KCNH5: variants seen among roughly 807,000 people sequenced by gnomAD.
The protein encoded by KCNH5 is potassium voltage-gated channel subfamily H member 5.
A neutral mutation model predicts 96.1 loss-of-function variants in KCNH5; 46 were observed. That is an observed-to-expected ratio of 0.48 (90% CI 0.38 to 0.61). KCNH5 has a LOEUF of 0.61. KCNH5 is among the 20% of genes least tolerant of loss of function. KCNH5 has a pLI of 0.00. For missense variants in KCNH5, 907 were observed against 1,225.8 expected, an observed-to-expected ratio of 0.74 and a Z score of 3.88; for synonymous variants, 439 against 449.8, an observed-to-expected ratio of 0.98 and a Z score of 0.30.
At chr14:62,741,898 T>C (rs1181836079) in intron 10 of KCNH5, among the ~76,000 whole-genome samples, 1 of 152,156 alleles carries the variant, frequency 6.6e-6, no homozygotes, top group East Asian at 1.9e-4. Flanking sequence ...GTTTTCTGTA[T>C]CTAAAGACAA....
intron 2 of KCNH5, among the ~76,000 whole-genome samples, chr14:63,007,913 C>T (rs917138663): frequency 6.6e-6 from 1 of 152,100 alleles, no homozygotes; most frequent in South Asian, 2.1e-4. Flanking sequence ...TCTAAGAGAA[C>T]CTTGGCAAAA....
rs560786945 is a variant in KCNH5, at chr14:62,747,691, C to T, written c.2019+32037G>A. 3.9e-5 allele frequency among the ~76,000 whole-genome samples: 6 copies of T among 152,274 alleles called. No homozygotes were observed. The East Asian group carries it at 5.8e-4, about 15-fold the overall frequency. On this transcript the variant is annotated intron_variant, in intron 10 of 10. Transcript: ENST00000322893. ...TGTTCGTTAACCTAAATTAGAGAAACGCAATTCATGAACTAAAAGTGCCAA... is the reference window on the plus strand; with the variant it reads ...TGTTCGTTAACCTAAATTAGAGAAATGCAATTCATGAACTAAAAGTGCCAA...
intron 9 of KCNH5, among the ~76,000 whole-genome samples, chr14:62,800,283 A>T (rs1886633995): frequency 6.6e-6 from 1 of 152,246 alleles, no homozygotes; most frequent in East Asian, 1.9e-4. Context: ...AAATAATAAA[A>T]TGTGACAGAT....
chr14:62,790,159 T>C (rs1166907258), intron 9 of KCNH5, among the ~76,000 whole-genome samples: 1 of 151,826 alleles, frequency 6.6e-6, no homozygotes, highest in African/African-American at 2.4e-5. Flanking sequence ...ATTGAAAAAC[T>C]ATTAATTTCC....
At chr14:62,936,267 G>C (rs1438054048) in intron 7 of KCNH5, among the ~76,000 whole-genome samples, 2 of 152,126 alleles carry the variant, frequency 1.3e-5, no homozygotes, top group African/African-American at 4.8e-5. Context: ...CAAGGTCCAG[G>C]TCAAGTGTTT....
intron 8 of KCNH5, among the ~76,000 whole-genome samples, chr14:62,830,948 TC>T (rs963454733): frequency 2.0e-5 from 3 of 152,248 alleles, no homozygotes; most frequent in African/African-American, 7.2e-5. Context: ...TCGCTAAGCT[TC>T]CAAGGAAAGC....
chr14:62,871,068 C>T (rs1406594574), intron 7 of KCNH5, among the ~76,000 whole-genome samples: 1 of 152,194 alleles, frequency 6.6e-6, no homozygotes, highest in Admixed American at 6.5e-5. Flanking sequence ...TGCAATTGAA[C>T]ATCCACTTGT....
chr14:63,045,108 C>G lies in KCNH5; in HGVS notation c.73+6G>C, dbSNP rs1055171414. On this transcript the variant is annotated splice_donor_region_variant and intron_variant, in intron 1 of 10. Transcript: ENST00000322893. ...TGGGGGTGTTCTGAACTACAACTCT[C>G]CTTACCACTGGAGCGCCTGACGATG... The G allele has an allele frequency of 2.5e-6, 4 of 1,612,618 alleles. No homozygotes were observed. The African/African-American group carries it at 5.3e-5, about 22-fold the overall frequency.
intron 10 of KCNH5, among the ~76,000 whole-genome samples, chr14:62,709,209 G>A (rs1884514323): frequency 1.7e-5 from 2 of 120,394 alleles, no homozygotes; most frequent in Admixed American, 1.1e-4. Flanking sequence ...CTCCCGCCTG[G>A]GCGACAGAAC....
At chr14:62,946,026 G>C (rs1236481531) in intron 7 of KCNH5, among the ~76,000 whole-genome samples, 1 of 152,048 alleles carries the variant, frequency 6.6e-6, no homozygotes, top group Non-Finnish European at 1.5e-5. Context: ...TAAAGGGGCT[G>C]CTTAAGCTTT....
In KCNH5 at chr14:62,912,686, G is replaced by A. The variant is rs186482106; in HGVS notation, c.1369+37447C>T. ...CTCCCAAAGTGCTGGGACTACAGGC[G>A]TGAGCCACCGTACCTGGCCATCTAG... On this transcript the variant is annotated intron_variant, in intron 7 of 10. Coordinates refer to ENST00000322893, the MANE Select transcript of KCNH5 (RefSeq NM_139318.5). Among the ~76,000 whole-genome samples, 725 of 152,202 alleles carry A rather than the reference G, an allele frequency of 4.8e-3. 16 individuals carry two copies. The highest frequency in any genetic ancestry group is 0.037 in the Admixed American group (560 of 15,290).
chr14:63,044,260 T>C (rs955696206), intron 1 of KCNH5, among the ~76,000 whole-genome samples: 9 of 152,222 alleles, frequency 5.9e-5, no homozygotes, highest in African/African-American at 2.2e-4. Flanking sequence ...ATGCAAAGTT[T>C]ATAAGGTCTT....
intron 1 of KCNH5, among the ~76,000 whole-genome samples, chr14:63,018,108 T>C (rs1235081420): frequency 6.6e-6 from 1 of 151,900 alleles, no homozygotes; most frequent in African/African-American, 2.4e-5. Flanking sequence ...GCAAAATCTG[T>C]TTGAAGCCAC....
At chr14:62,735,985 G>A (rs1191164194) in intron 10 of KCNH5, among the ~76,000 whole-genome samples, 2 of 152,296 alleles carry the variant, frequency 1.3e-5, no homozygotes, top group East Asian at 3.9e-4. Flanking sequence ...GACAAGGAAG[G>A]ATTCTTCTCT....
At chr14:62,916,247 C>T (rs1889273762) in intron 7 of KCNH5, among the ~76,000 whole-genome samples, 1 of 152,104 alleles carries the variant, frequency 6.6e-6, no homozygotes, top group South Asian at 2.1e-4. Flanking sequence ...CCACCACGCC[C>T]AGCCAGCCAG....
chr14:62,783,679 T>C (rs11848421), intron 9 of KCNH5, among the ~76,000 whole-genome samples: 48,519 of 152,038 alleles, frequency 0.32, 8,376 homozygotes, highest in South Asian at 0.54. Flanking sequence ...TATAGTGTTA[T>C]TAATGATAAC....
chr14:62,821,203 G>GA (rs1249516292), intron 8 of KCNH5, among the ~76,000 whole-genome samples: 2,037 of 144,946 alleles, frequency 0.014, 55 homozygotes, highest in African/African-American at 0.048. Context: ...AATCATATGG[G>GA]AAAAAAAAAA....
chr14:62,914,845 C>T lies in KCNH5; in HGVS notation c.1369+35288G>A, dbSNP rs17100515. Among the ~76,000 whole-genome samples the T allele has an allele frequency of 6.9e-3, 1,058 of 152,332 alleles. 9 individuals carry two copies. Among genetic ancestry groups the T allele is most frequent in the African/African-American group, 0.024 (1,003 of 41,568 alleles). On this transcript the variant is annotated intron_variant, in intron 7 of 10. Coordinates refer to ENST00000322893, the MANE Select transcript of KCNH5 (RefSeq NM_139318.5). The stretch of plus-strand genomic sequence containing the variant: ...CTAGACAACACTCATGAGATACCCA[C>T]ATGCCGAACGTGCATACCTCGCCAT...
At position 62,914,750 on chromosome 14, in the gene KCNH5, A is replaced by G. The variant is rs568010491; in HGVS notation, c.1369+35383T>C. 4.6e-5 allele frequency among the ~76,000 whole-genome samples: 7 copies of G among 152,320 alleles called. No individual in the cohort carries two copies. The East Asian group carries it at 5.8e-4, about 13-fold the overall frequency. ...CCATGATCTTGGACTTCCCAGAACTATGAGAAATAAATTTCTGTTGTTTAT... is the reference window on the plus strand; with the variant it reads ...CCATGATCTTGGACTTCCCAGAACTGTGAGAAATAAATTTCTGTTGTTTAT... On this transcript the variant is annotated intron_variant, in intron 7 of 10. Transcript: ENST00000322893.
Sources: allele counts gnomAD v4.1 joint callset (sites outside exome capture counted in the v4.1 genomes callset), GRCh38; gene constraint gnomAD v4.1.1; transcripts MANE v1.5; gene names NCBI Gene and HGNC (gene_info 2026-07-23, HGNC 2026-07-21).